CYP20A1: variants seen among roughly 807,000 people sequenced by gnomAD.
CYP20A1 encodes cytochrome P450 family 20 subfamily A member 1.
In CYP20A1, 61 loss-of-function variants were observed where a neutral mutation model predicts 61.4. That is an observed-to-expected ratio of 0.99 (90% confidence interval 0.81 to 1.23). CYP20A1 has a LOEUF of 1.23. Among genes scored for constraint, CYP20A1 ranks in the 50% most tolerant of loss-of-function variants. CYP20A1 has a pLI of 0.00. For synonymous variants in CYP20A1, 193 were observed against 188.2 expected (o/e 1.03, Z -0.21); for missense variants, 530 against 542.4 (o/e 0.98, Z 0.23).
rs1249382654 is a variant in CYP20A1, at chr2:203,299,774, T to C, written c.*2866T>C. Among the ~76,000 whole-genome samples the C allele has an allele frequency of 6.6e-6, 1 of 151,842 alleles. No individual in the cohort carries two copies. Among genetic ancestry groups the C allele is most frequent in the African/African-American group, 2.4e-5 (1 of 41,304 alleles). On this transcript the variant is annotated 3_prime_UTR_variant, in exon 13 of 13. Coordinates refer to ENST00000356079, the MANE Select transcript of CYP20A1 (RefSeq NM_177538.3). ...CTGTAATACCAGCTACTCGGGAGGC[T>C]GAAGCAGGAGAACTGCTTGAACCTG...
In CYP20A1 at chr2:203,299,473, T is replaced by C. The variant is rs918223718; in HGVS notation, c.*2565T>C. The stretch of plus-strand genomic sequence containing the variant: ...TTGTTGAGTTATTTTATGTCATTTA[T>C]TGGTAAATACCTAACATTTTAGACC... On this transcript the variant is annotated 3_prime_UTR_variant, in exon 13 of 13. Transcript: ENST00000356079. 1.3e-5 allele frequency among the ~76,000 whole-genome samples: 2 copies of C among 152,190 alleles called. No individual in the cohort carries two copies. Among genetic ancestry groups the C allele is most frequent in the Non-Finnish European group, 1.5e-5 (1 of 68,032 alleles).
intron 3 of CYP20A1, among the ~76,000 whole-genome samples, 149 bp from the exon 4 acceptor site, chr2:203,251,806 TATATATATATAA>T (rs1212838771): frequency 1.9e-5 from 2 of 105,364 alleles, no homozygotes; most frequent in African/African-American, 5.7e-5. Flanking sequence ...TATATATATA[TATATATATATAA>T]AAAATAAAAA....
chr2:203,300,059 A>T lies in CYP20A1; in HGVS notation c.*3151A>T, dbSNP rs943361091. ...TAAACCAAGTGTCAGATCAGATGAGATGAAAGAGGTGGAGTTTAAAGCAAG... is the reference window on the plus strand; with the variant it reads ...TAAACCAAGTGTCAGATCAGATGAGTTGAAAGAGGTGGAGTTTAAAGCAAG... On this transcript the variant is annotated 3_prime_UTR_variant, in exon 13 of 13. Transcript: ENST00000356079. 1.3e-5 allele frequency among the ~76,000 whole-genome samples: 2 copies of T among 152,178 alleles called. No homozygotes were observed. Among genetic ancestry groups the T allele is most frequent in the African/African-American group, 4.8e-5 (2 of 41,454 alleles).
intron 7 of CYP20A1, among the ~76,000 whole-genome samples, chr2:203,278,986 G>A (rs1446225987): frequency 1.3e-5 from 2 of 152,120 alleles, no homozygotes; most frequent in East Asian, 3.8e-4. Flanking sequence ...GTTGTTTTGA[G>A]ATGGAGTCTC....
chr2:203,246,702 C>T, intron 2 of CYP20A1, 53 bp from the exon 3 acceptor site: 1 of 1,561,962 alleles, frequency 6.4e-7, no homozygotes, highest in Non-Finnish European at 8.7e-7. Flanking sequence ...TGTTGTTTTT[C>T]TCATTTTTCC....
At position 203,301,234 on chromosome 2, in the gene CYP20A1, TTTTTC is replaced by T. The variant is rs915717526; in HGVS notation, c.*4335_*4339del. ...AACCATACGTACATAACTTTTTTTCTTTTTCTTTTCTTTCTTTCTTTTCTTTTCTT... is the reference window on the plus strand; with the variant it reads ...AACCATACGTACATAACTTTTTTTCTTTTTCTTTCTTTCTTTTCTTTTCTT... On this transcript the variant is annotated 3_prime_UTR_variant, in exon 13 of 13. Transcript: ENST00000356079. Among the ~76,000 whole-genome samples, 19 of 150,680 alleles carry T rather than the reference TTTTTC, an allele frequency of 1.3e-4. No individual in the cohort carries two copies. The highest frequency in any genetic ancestry group is 3.5e-3 in the Middle Eastern group (1 of 286).
chr2:203,265,815 T>C (rs1575208816), intron 4 of CYP20A1, among the ~76,000 whole-genome samples: 1 of 152,124 alleles, frequency 6.6e-6, no homozygotes, highest in Admixed American at 6.6e-5. Flanking sequence ...TTCAGCCTCC[T>C]GAGTAGCTGG....
chr2:203,246,661 C>A, intron 2 of CYP20A1, 94 bp from the exon 3 acceptor site: 3 of 1,129,434 alleles, frequency 2.7e-6, no homozygotes, highest in Non-Finnish European at 3.6e-6. Flanking sequence ...CCTTTGTTCT[C>A]ATTTATTGAT....
intron 5 of CYP20A1, among the ~76,000 whole-genome samples, chr2:203,269,279 ATT>A (rs528970568): frequency 3.3e-4 from 41 of 125,282 alleles, no homozygotes; most frequent in African/African-American, 1.0e-3. Context: ...CCTGTCTCCA[ATT>A]TTTTTTTTTT....
At chr2:203,269,332 G>A (rs1477166594) in intron 5 of CYP20A1, among the ~76,000 whole-genome samples, 1 of 140,194 alleles carries the variant, frequency 7.1e-6, no homozygotes, top group Non-Finnish European at 1.5e-5. Context: ...ATGCACGCCT[G>A]TAGTCCCAGC....
intron 4 of CYP20A1, among the ~76,000 whole-genome samples, chr2:203,253,743 A>G (rs1358208382): frequency 1.3e-5 from 2 of 152,160 alleles, no homozygotes; most frequent in South Asian, 2.1e-4. Flanking sequence ...GTAATACATA[A>G]TCATGCTTAA....
intron 11 of CYP20A1, among the ~76,000 whole-genome samples, chr2:203,293,820 TA>T (rs1468885947): frequency 6.6e-6 from 1 of 152,188 alleles, no homozygotes; most frequent in East Asian, 1.9e-4. Context: ...TTAAGTCGTT[TA>T]AAAATACTTG....
At chr2:203,262,450 T>A (rs150050267) in intron 4 of CYP20A1, among the ~76,000 whole-genome samples, 4 of 152,276 alleles carry the variant, frequency 2.6e-5, no homozygotes, top group South Asian at 2.1e-4. Flanking sequence ...TTTTGTTAAA[T>A]TTTTTTACAT....
chr2:203,240,507 C>T (rs953608316), intron 1 of CYP20A1, among the ~76,000 whole-genome samples: 12 of 152,246 alleles, frequency 7.9e-5, no homozygotes, highest in African/African-American at 2.6e-4. Flanking sequence ...ACAATAGAAA[C>T]AAATAACATA....
chr2:203,266,428 TGC>T lies in CYP20A1; in HGVS notation c.433-85_433-84del. 2 of 1,197,526 alleles carry T rather than the reference TGC, an allele frequency of 1.7e-6. 1 individual carries two copies. 74.2% of individuals were successfully genotyped at this position (1,197,526 alleles called of 1,614,324 possible). On this transcript the variant is annotated intron_variant, in intron 4 of 12. Transcript: ENST00000356079. ...ACTTTGGTTACAGAGTTTAACTGTT[TGC>T]CATTAAATGAATCTACTTAGTAACA...
rs896166907 is a variant in CYP20A1 at position 203,304,415 on chromosome 2, T to G, written c.*7507T>G. 6.6e-6 allele frequency among the ~76,000 whole-genome samples: 1 copy of G among 152,130 alleles called. No individual in the cohort carries two copies. The highest frequency in any genetic ancestry group is 1.5e-5 in the Non-Finnish European group (1 of 68,022). ...GGTTTCACCATGTTAGCCAGGATGG[T>G]CTTGATCTCCTGACCTTGTGATCTG... On this transcript the variant is annotated 3_prime_UTR_variant, in exon 13 of 13. Transcript: ENST00000356079.
rs1373315875 is a variant in CYP20A1 at position 203,301,313 on chromosome 2, T to C, written c.*4405T>C. Among the ~76,000 whole-genome samples the C allele has an allele frequency of 6.6e-6, 1 of 151,532 alleles. No homozygotes were observed. The highest frequency in any genetic ancestry group is 2.4e-5 in the African/African-American group (1 of 41,234). Reference sequence around the variant, plus strand: ...GCTTTGTTGACCAAGCTGGAGTGCATTGGCATGATCACAGCTTACTGTAGC... The same window carrying C: ...GCTTTGTTGACCAAGCTGGAGTGCACTGGCATGATCACAGCTTACTGTAGC... On this transcript the variant is annotated 3_prime_UTR_variant, in exon 13 of 13. Transcript: ENST00000356079.
chr2:203,274,177 T>C (rs2067718320), intron 6 of CYP20A1, among the ~76,000 whole-genome samples: 1 of 152,120 alleles, frequency 6.6e-6, no homozygotes, highest in South Asian at 2.1e-4. Flanking sequence ...TTAATACTTT[T>C]TTTTAAAATA....
In CYP20A1 at chr2:203,298,847, A is replaced by G. The variant is rs1431418260; in HGVS notation, c.*1939A>G. 6.6e-6 allele frequency among the ~76,000 whole-genome samples: 1 copy of G among 152,154 alleles called. No individual in the cohort carries two copies. The highest frequency in any genetic ancestry group is 2.4e-5 in the African/African-American group (1 of 41,438). On this transcript the variant is annotated 3_prime_UTR_variant, in exon 13 of 13. Coordinates refer to ENST00000356079, the MANE Select transcript of CYP20A1 (RefSeq NM_177538.3). The stretch of plus-strand genomic sequence containing the variant: ...CAAGAGATTTGAGACCATCCTGGCC[A>G]ACATGGTGAAACCCCATCTCTACTA...
Sources: gnomAD v4.1 joint callset for allele counts (sites outside exome capture counted in the v4.1 genomes callset) on GRCh38, gnomAD v4.1.1 for gene constraint, MANE v1.5 for transcripts, NCBI Gene and HGNC (gene_info 2026-07-23, HGNC 2026-07-21) for gene names.